The following APBA1 variants were observed in gnomAD, a reference collection of about 807,000 sequenced individuals.
APBA1 encodes the protein amyloid beta precursor protein binding family A member 1, also known as amyloid-beta A4 precursor protein-binding family A member 1.
APBA1 carries 55 observed loss-of-function variants against 86.6 expected under a neutral mutation model. The ratio of observed to expected loss-of-function variants is 0.64; its 90% CI spans 0.51 to 0.80. APBA1 has a LOEUF of 0.80. APBA1 is among the 30% of genes least tolerant of loss of function. APBA1 has a pLI of 0.00. For missense variants in APBA1, 1,090 were observed against 1,183.0 expected (o/e 0.92, Z 1.15); for synonymous variants, 511 against 493.9 (o/e 1.03, Z -0.46).
intron 1 of APBA1, among the ~76,000 whole-genome samples, chr9:69,648,695 T>C (rs1055234820): frequency 9.2e-5 from 14 of 152,158 alleles, no homozygotes; most frequent in Admixed American, 9.2e-4. Flanking sequence ...ATCCAAGCAC[T>C]CTAACTCCTG....
At chr9:69,504,292 T>C (rs1835920580) in intron 2 of APBA1, among the ~76,000 whole-genome samples, 1 of 152,108 alleles carries the variant, frequency 6.6e-6, no homozygotes, top group Non-Finnish European at 1.5e-5. Flanking sequence ...TTTCATAATT[T>C]CCCCTTCTGT....
chr9:69,495,205 C>T (rs1020644155), intron 2 of APBA1, among the ~76,000 whole-genome samples: 5 of 152,102 alleles, frequency 3.3e-5, no homozygotes, highest in South Asian at 4.1e-4. Flanking sequence ...GCACACTCCC[C>T]CTCTCTATTC....
rs531708035 is a variant in APBA1 at position 69,650,257 on chromosome 9, G to A, written c.-70+21896C>T. Among the ~76,000 whole-genome samples the A allele has an allele frequency of 1.5e-4, 23 of 152,200 alleles. 1 individual carries two copies. Among genetic ancestry groups the A allele is most frequent in the African/African-American group, 5.5e-4 (23 of 41,454 alleles). On this transcript the variant is annotated intron_variant, in intron 1 of 12. Transcript: ENST00000265381. ...ACAGCATGCCTTATAGTGTTGTTGTGAGGATTAAATGAGTTAATGTAGGTT... is the reference window on the plus strand; with the variant it reads ...ACAGCATGCCTTATAGTGTTGTTGTAAGGATTAAATGAGTTAATGTAGGTT...
intron 1 of APBA1, among the ~76,000 whole-genome samples, chr9:69,573,713 C>G (rs1837151802): frequency 6.6e-6 from 1 of 152,214 alleles, no homozygotes; most frequent in African/African-American, 2.4e-5. Context: ...CAGTTTCTGA[C>G]AATTTCCAAG....
intron 8 of APBA1, 107 bp from the exon 9 acceptor site, chr9:69,452,408 C>T (rs1286473387): frequency 9.0e-7 from 1 of 1,107,220 alleles, no homozygotes; most frequent in African/African-American, 1.6e-5. Context: ...TCTGAGGAAA[C>T]CCTAGACATC....
chr9:69,623,101 C>G (rs1822853482), intron 1 of APBA1, among the ~76,000 whole-genome samples: 1 of 152,102 alleles, frequency 6.6e-6, no homozygotes, highest in Admixed American at 6.5e-5. Flanking sequence ...TACTTGAAAA[C>G]TCTGGAAAAC....
At chr9:69,580,038 G>A (rs979420834) in intron 1 of APBA1, among the ~76,000 whole-genome samples, 2 of 152,152 alleles carry the variant, frequency 1.3e-5, no homozygotes, top group African/African-American at 2.4e-5. Context: ...TTCTCAAAAT[G>A]CAAGTTCTAA....
intron 1 of APBA1, among the ~76,000 whole-genome samples, chr9:69,658,738 A>T (rs1823693758): frequency 6.6e-6 from 1 of 151,946 alleles, no homozygotes; most frequent in African/African-American, 2.4e-5. Context: ...TTTCCCACCC[A>T]ACAGCCAGCA....
intron 1 of APBA1, among the ~76,000 whole-genome samples, chr9:69,580,114 G>A (rs1344603131): frequency 6.6e-6 from 1 of 152,196 alleles, no homozygotes; most frequent in Non-Finnish European, 1.5e-5. Context: ...GGGAAGCTGT[G>A]GTCTGTGTCC....
chr9:69,574,939 G>T (rs1348038014), intron 1 of APBA1, among the ~76,000 whole-genome samples: 3 of 152,068 alleles, frequency 2.0e-5, no homozygotes, highest in African/African-American at 7.2e-5. Flanking sequence ...TATTGTGACA[G>T]GGTTTCATTC....
rs373470933 is a variant in APBA1 at position 69,518,025 on chromosome 9, C to T, written c.-69-746G>A. Among the ~76,000 whole-genome samples, 4 of 152,242 alleles carry T rather than the reference C, an allele frequency of 2.6e-5. No homozygotes were observed. In the East Asian group the frequency reaches 7.7e-4, roughly 29 times the overall value. On this transcript the variant is annotated intron_variant, in intron 1 of 12. Transcript: ENST00000265381. ...TTGTTTGACCAGGAGACACTTTTTC[C>T]TAGAGGCCAATGTTACATAGCAGCT...
chr9:69,476,803 C>G (rs1247664957), intron 2 of APBA1, among the ~76,000 whole-genome samples: 1 of 152,192 alleles, frequency 6.6e-6, no homozygotes, highest in Non-Finnish European at 1.5e-5. Flanking sequence ...GAAAAATAGG[C>G]TCAGGGAGAA....
At chr9:69,539,266 CT>C (rs1368080763) in intron 1 of APBA1, among the ~76,000 whole-genome samples, 2 of 152,206 alleles carry the variant, frequency 1.3e-5, no homozygotes, top group African/African-American at 4.8e-5. Flanking sequence ...ATAACTGTGC[CT>C]CCTTAATACT....
intron 1 of APBA1, among the ~76,000 whole-genome samples, chr9:69,630,851 C>T (rs2133997845): frequency 6.6e-6 from 1 of 152,332 alleles, no homozygotes; most frequent in African/African-American, 2.4e-5. Flanking sequence ...GCTCATTCAT[C>T]AGCCCTGATG....
intron 1 of APBA1, among the ~76,000 whole-genome samples, chr9:69,658,358 C>CTT (rs1251514928): frequency 1.1e-4 from 14 of 126,200 alleles, no homozygotes; most frequent in African/African-American, 2.6e-4. Context: ...TTCTTTCTTT[C>CTT]TGTGTTTCTC....
intron 3 of APBA1, among the ~76,000 whole-genome samples, chr9:69,473,375 GTTA>G (rs917180299): frequency 2.7e-4 from 41 of 152,158 alleles, no homozygotes; most frequent in African/African-American, 9.9e-4. Flanking sequence ...AAACTTTTAA[GTTA>G]TTATTTCCCA....
At chr9:69,525,760 G>C (rs1313121835) in intron 1 of APBA1, among the ~76,000 whole-genome samples, 6 of 151,880 alleles carry the variant, frequency 4.0e-5, no homozygotes, top group Non-Finnish European at 7.4e-5. Flanking sequence ...AGCCTGAATA[G>C]CAATCCTAAG....
chr9:69,558,297 T>C (rs1383800686), intron 1 of APBA1, among the ~76,000 whole-genome samples: 1 of 152,142 alleles, frequency 6.6e-6, no homozygotes, highest in African/African-American at 2.4e-5. Flanking sequence ...CTAACAGATG[T>C]TAAACATTAA....
intron 1 of APBA1, among the ~76,000 whole-genome samples, chr9:69,523,477 G>GTA (rs1163577400): frequency 0.011 from 886 of 80,436 alleles, 10 homozygotes; most frequent in South Asian, 0.023. Flanking sequence ...ATATATATAT[G>GTA]TATATATATA....
Sources: allele counts gnomAD v4.1 joint callset (sites outside exome capture counted in the v4.1 genomes callset), GRCh38; gene constraint gnomAD v4.1.1; transcripts MANE v1.5; gene names NCBI Gene and HGNC (gene_info 2026-07-23, HGNC 2026-07-21).